Variants in TANC1 observed in about 807,000 individuals in gnomAD.
TANC1 encodes tetratricopeptide repeat, ankyrin repeat and coiled-coil containing 1.
Under a neutral mutation model 149.7 loss-of-function variants are expected in TANC1, and 77 were observed. The observed-to-expected ratio is 0.51, with a 90% confidence interval of 0.43 to 0.62. TANC1 has a LOEUF of 0.62. Among genes scored for constraint, TANC1 ranks in the 20% least tolerant of loss-of-function variants. The pLI, the probability that TANC1 is intolerant of heterozygous loss-of-function variation, is 0.00. For missense variants in TANC1, 1,985 were observed against 2,321.8 expected, an observed-to-expected ratio of 0.85 and a Z score of 2.98; for synonymous variants, 854 against 925.0, an observed-to-expected ratio of 0.92 and a Z score of 1.39.
chr2:159,219,542 C>T, intron 21 of TANC1, 150 bp from the exon 22 acceptor site: 1 of 1,255,826 alleles, frequency 8.0e-7, no homozygotes, highest in Non-Finnish European at 1.1e-6. Flanking sequence ...CAGCGATGAC[C>T]ATTCTGCCAG....
At chr2:159,052,976 T>C (rs2041578961) in intron 2 of TANC1, among the ~76,000 whole-genome samples, 2 of 152,230 alleles carry the variant, frequency 1.3e-5, no homozygotes, top group Admixed American at 1.3e-4. Flanking sequence ...AATAAGACTG[T>C]CTACTTAAAA....
intron 6 of TANC1, chr2:159,149,656 G>A: frequency 4.5e-6 from 1 of 222,912 alleles, no homozygotes; most frequent in Non-Finnish European, 9.0e-6. Flanking sequence ...AGATTTTGGA[G>A]GGTCAGTGGG....
intron 4 of TANC1, among the ~76,000 whole-genome samples, chr2:159,129,909 T>A (rs1420241159): frequency 6.6e-6 from 1 of 152,180 alleles, no homozygotes; most frequent in Non-Finnish European, 1.5e-5. Flanking sequence ...ACAGCGGTCT[T>A]CCCTAGAGAC....
intron 1 of TANC1, among the ~76,000 whole-genome samples, chr2:159,000,301 A>C (rs1424358982): frequency 6.6e-6 from 1 of 152,108 alleles, no homozygotes; most frequent in African/African-American, 2.4e-5. Flanking sequence ...TAGGCGAGGC[A>C]CCAGGGCGGG....
At position 159,136,051 on chromosome 2, in the gene TANC1, C is replaced by G; in HGVS notation, c.260-143C>G. 6 of 126,908 alleles carry G rather than the reference C, an allele frequency of 4.7e-5. 2 individuals are homozygous for G. Among genetic ancestry groups the G allele is most frequent in the Middle Eastern group, 4.0e-3 (2 of 496 alleles). 7.9% of individuals were successfully genotyped at this position (126,908 alleles called of 1,614,324 possible). A position where few individuals can be genotyped will look rare whatever the true frequency, so the allele number is the denominator to read the frequency against. ...GTGTGTGTGTGTGTGTGTGTGTGTG[C>G]GCGCGCGCGCGTTTAAGGGAGGGGA... is the stretch of plus-strand genomic sequence containing the variant. On this transcript the variant is annotated intron_variant, in intron 4 of 26. Transcript: ENST00000263635.
At chr2:159,109,609 A>G (rs1353315659) in intron 4 of TANC1, among the ~76,000 whole-genome samples, 1 of 152,178 alleles carries the variant, frequency 6.6e-6, no homozygotes, top group African/African-American at 2.4e-5. Flanking sequence ...TTACATGAGA[A>G]ATTCTTGAAA....
At chr2:159,156,188 G>C (rs1015811016) in intron 7 of TANC1, among the ~76,000 whole-genome samples, 2 of 152,094 alleles carry the variant, frequency 1.3e-5, no homozygotes, top group East Asian at 3.9e-4. Context: ...AATTGATTTG[G>C]TAATAACTAT....
chr2:159,136,782 T>C (rs1176675713), intron 5 of TANC1, among the ~76,000 whole-genome samples: 1 of 71,462 alleles, frequency 1.4e-5, no homozygotes, highest in East Asian at 3.8e-4. Flanking sequence ...GATGTTGAAG[T>C]AGGAGCAAAA....
chr2:159,088,612 A>G (rs913815265), intron 3 of TANC1, among the ~76,000 whole-genome samples: 1 of 152,216 alleles, frequency 6.6e-6, no homozygotes, highest in African/African-American at 2.4e-5. Context: ...TGTGGGTCAC[A>G]TGAGGCCCAG....
At position 159,163,299 on chromosome 2, in the gene TANC1, A is replaced by T. The variant is rs764697090; in HGVS notation, c.699A>T (p.Ser233=). Residue 233 remains serine (S), a synonymous_variant, in exon 8 of 27, where the codon TCA becomes TCT. Coordinates refer to ENST00000263635, the MANE Select transcript of TANC1 (RefSeq NM_033394.3). ...TCATTTCAGCCACAATTACAAGTTCATCCGAAAATGATGACCGGAGTGGCT... is the reference window on the plus strand; with the variant it reads ...TCATTTCAGCCACAATTACAAGTTCTTCCGAAAATGATGACCGGAGTGGCT... ...DSGIIATITS[S]SENDDRSGSS... is the part of the protein sequence containing the mutation. The T allele has an allele frequency of 1.2e-6, 2 of 1,613,496 alleles. No individual in the cohort carries two copies. Among genetic ancestry groups the T allele is most frequent in the Non-Finnish European group, 1.7e-6 (2 of 1,179,654 alleles).
At chr2:159,045,973 A>G (rs1224243395) in intron 2 of TANC1, among the ~76,000 whole-genome samples, 1 of 152,244 alleles carries the variant, frequency 6.6e-6, no homozygotes, top group Non-Finnish European at 1.5e-5. Flanking sequence ...GGCATTTTAC[A>G]ATAGATTTGC....
At chr2:158,978,925 A>G (rs952447394) in intron 1 of TANC1, among the ~76,000 whole-genome samples, 3 of 152,114 alleles carry the variant, frequency 2.0e-5, no homozygotes, top group African/African-American at 4.8e-5. Context: ...GGGAACATCA[A>G]ATTTGGTTGT....
At chr2:159,198,588 C>T (rs1461874841) in intron 18 of TANC1, among the ~76,000 whole-genome samples, 4 of 152,212 alleles carry the variant, frequency 2.6e-5, no homozygotes, top group African/African-American at 7.2e-5. Flanking sequence ...TTTGCAAAAA[C>T]GTATATCGCT....
At chr2:158,988,426 C>T (rs2035259613) in intron 1 of TANC1, among the ~76,000 whole-genome samples, 1 of 151,644 alleles carries the variant, frequency 6.6e-6, no homozygotes, top group Non-Finnish European at 1.5e-5. Context: ...TTTACTTTCT[C>T]TCCCGGGAGC....
At chr2:159,012,424 T>C (rs1231711105) in intron 2 of TANC1, among the ~76,000 whole-genome samples, 2 of 151,174 alleles carry the variant, frequency 1.3e-5, no homozygotes, top group African/African-American at 4.9e-5. Context: ...AACCTTAAAA[T>C]ACCTTGGCAC....
chr2:159,036,150 G>C (rs1166199654), intron 2 of TANC1, among the ~76,000 whole-genome samples: 5 of 152,246 alleles, frequency 3.3e-5, no homozygotes. Flanking sequence ...TCCCTTCCTG[G>C]CTGCCAGGGC....
chr2:159,230,000 T>G lies in TANC1; in HGVS notation c.4574T>G (p.Leu1525Arg), dbSNP rs745452241. ...CCTGTGGCCCAGCCAGGGCTGCTCCTGCAGCCCTCCAAGCAGGCCCAGATC... is the reference window on the plus strand; with the variant it reads ...CCTGTGGCCCAGCCAGGGCTGCTCCGGCAGCCCTCCAAGCAGGCCCAGATC... ...REPVAQPGLL[L>R]QPSKQAQIVK... The change falls in exon 27 of 27, where the codon CTG becomes CGG. Residue 1525 changes from leucine (L) to arginine (R), a missense_variant. Leu to Arg is a moderately radical substitution (Grantham distance 102). Around this residue, in one of 3 missense-constraint regions of TANC1, gnomAD observed 920 missense variants for 994.7 expected, o/e 0.92. Transcript: ENST00000263635. 6.2e-6 allele frequency: 10 copies of G among 1,613,938 alleles called. No individual in the cohort carries two copies. Among genetic ancestry groups the G allele is most frequent in the Non-Finnish European group, 8.5e-6 (10 of 1,180,038 alleles).
intron 2 of TANC1, among the ~76,000 whole-genome samples, chr2:159,013,737 C>G (rs1319372691): frequency 3.3e-5 from 5 of 152,106 alleles, no homozygotes; most frequent in African/African-American, 1.2e-4. Context: ...TCTGAGGTCA[C>G]ATAATTGGTA....
At chr2:159,105,176 A>T (rs1339345783) in intron 4 of TANC1, among the ~76,000 whole-genome samples, 39 of 150,222 alleles carry the variant, frequency 2.6e-4, no homozygotes, top group Non-Finnish European at 3.0e-5. Flanking sequence ...TTGTATTTTT[A>T]GTAGAGACGG....
Sources: allele counts gnomAD v4.1 joint callset (sites outside exome capture counted in the v4.1 genomes callset), GRCh38; gene constraint gnomAD v4.1.1; regional missense constraint gnomAD v4.1.1; transcripts MANE v1.5; gene names NCBI Gene and HGNC (gene_info 2026-07-23, HGNC 2026-07-21).